FAM20B: variants seen among roughly 807,000 people sequenced by gnomAD.
FAM20B encodes glycosaminoglycan xylosylkinase.
A neutral mutation model predicts 43.8 loss-of-function variants in FAM20B; 23 were observed. The ratio of observed to expected loss-of-function variants is 0.53; its 90% CI spans 0.38 to 0.74. The LOEUF is 0.74. Ranked by LOEUF, FAM20B falls within the 30% of genes least tolerant of loss-of-function variation. FAM20B has a pLI of 0.00. For missense variants in FAM20B, 440 were observed against 510.5 expected, an observed-to-expected ratio of 0.86 and a Z score of 1.33; for synonymous variants, 178 against 192.4, an observed-to-expected ratio of 0.93 and a Z score of 0.62.
Position 179,050,313 on chromosome 1 carries a change from T to A in FAM20B, c.412T>A (p.Tyr138Asn). The change falls in exon 3 of 8, where the codon TAT (tyrosine) becomes AAT (asparagine). Residue 138 changes from tyrosine (Y) to asparagine (N), a missense_variant. Tyr to Asn is a moderately radical substitution (Grantham distance 143). Transcript: ENST00000263733. The part of the protein sequence containing the change: ...SRDHVVEGEP[Y>N]AGYDRHNAEV... ...AGACCATGTGGTGGAAGGGGAACCG[T>A]ATGCTGGTTATGATAGACACAATGC... 6.2e-7 allele frequency: 1 copy of A among 1,613,976 alleles called. No individual in the cohort carries two copies. Among genetic ancestry groups the A allele is most frequent in the East Asian group, 2.2e-5 (1 of 44,880 alleles).
chr1:179,020,356 T>A, the FAM20B span, among the ~76,000 whole-genome samples: 2 of 152,120 alleles, frequency 1.3e-5, no homozygotes, highest in Admixed American at 1.3e-4. Context: ...AGGAAAGATG[T>A]AGGGGGTCTG....
chr1:179,040,054 G>A (rs555051236), intron 1 of FAM20B, among the ~76,000 whole-genome samples: 2 of 152,298 alleles, frequency 1.3e-5, no homozygotes, highest in African/African-American at 4.8e-5. Flanking sequence ...TGGGGGCAAG[G>A]TCACAGATCA....
intron 4 of FAM20B, among the ~76,000 whole-genome samples, chr1:179,055,067 T>C (rs1420104858): frequency 6.6e-6 from 1 of 152,232 alleles, no homozygotes; most frequent in Non-Finnish European, 1.5e-5. Flanking sequence ...GGCAACTCTT[T>C]AGGAGGCTCA....
intron 3 of FAM20B, among the ~76,000 whole-genome samples, chr1:179,050,892 TG>T (rs1268415957): frequency 6.6e-6 from 1 of 152,086 alleles, no homozygotes; most frequent in African/African-American, 2.4e-5. Flanking sequence ...GAGGCCAAGG[TG>T]GGCAGATTGC....
At chr1:179,020,465 A>G in the FAM20B span, among the ~76,000 whole-genome samples, 1 of 152,208 alleles carries the variant, frequency 6.6e-6, no homozygotes, top group Non-Finnish European at 1.5e-5. Flanking sequence ...GCTTGGAGAG[A>G]TGGCTGGCTT....
intron 1 of FAM20B, among the ~76,000 whole-genome samples, chr1:179,031,914 T>A (rs987343595): frequency 6.6e-6 from 1 of 152,204 alleles, no homozygotes; most frequent in African/African-American, 2.4e-5. Flanking sequence ...TCTGTTTCAG[T>A]TACATTGAGT....
chr1:179,041,100 C>T (rs1441391244), intron 1 of FAM20B, among the ~76,000 whole-genome samples: 4 of 129,920 alleles, frequency 3.1e-5, no homozygotes, highest in Admixed American at 2.9e-4. Flanking sequence ...GATGGGATGG[C>T]GGCCGGGAAG....
In FAM20B at chr1:179,043,832, A is replaced by G. The variant is rs1469325524; in HGVS notation, c.-16A>G. On this transcript the variant is annotated 5_prime_UTR_variant, in exon 2 of 8. Coordinates refer to ENST00000263733, the MANE Select transcript of FAM20B (RefSeq NM_014864.4). ...ATGAGCAAGAGTGGGTCAGGGGAGA[A>G]GGAAAAGAGGTCAACATGAAGCTAA... 2 of 1,573,300 alleles carry G rather than the reference A, an allele frequency of 1.3e-6. No homozygotes were observed. The highest frequency in any genetic ancestry group is 1.7e-6 in the Non-Finnish European group (2 of 1,155,016).
At chr1:179,069,314 G>A (rs1651820138) in intron 7 of FAM20B, among the ~76,000 whole-genome samples, 1 of 152,182 alleles carries the variant, frequency 6.6e-6, no homozygotes, top group South Asian at 2.1e-4. Context: ...TGCTTTAGGG[G>A]AAAGATGCTT....
In FAM20B at chr1:179,030,893, ATG is replaced by A. The variant is rs1206684101; in HGVS notation, c.-134+4809_-134+4810del. 3.3e-5 allele frequency among the ~76,000 whole-genome samples: 5 copies of A among 150,758 alleles called. No homozygotes were observed. The South Asian group carries it at 6.3e-4, about 19-fold the overall frequency. On this transcript the variant is annotated intron_variant, in intron 1 of 7. Transcript: ENST00000263733. The stretch of plus-strand genomic sequence containing the variant: ...ACAGATGTGCCAAAAAAAAAAAAAA[ATG>A]TGTGTGTGTGTGTTTGTGTGTGTGT...
chr1:179,070,942 T>G (rs4297249), intron 7 of FAM20B, among the ~76,000 whole-genome samples: 108,040 of 151,908 alleles, frequency 0.71, 39,554 homozygotes, highest in African/African-American at 0.89. Flanking sequence ...ATGTATTTTG[T>G]AGGGGACAGA....
chr1:179,051,171 A>C (rs1650992273), intron 3 of FAM20B, among the ~76,000 whole-genome samples: 1 of 151,654 alleles, frequency 6.6e-6, no homozygotes, highest in Non-Finnish European at 1.5e-5. Context: ...TAAGTTTGTA[A>C]GTTAACTAGG....
intron 1 of FAM20B, among the ~76,000 whole-genome samples, chr1:179,038,008 A>G (rs1287933277): frequency 6.6e-6 from 1 of 152,270 alleles, no homozygotes; most frequent in Non-Finnish European, 1.5e-5. Flanking sequence ...AAAACAAAAC[A>G]AAAAACCACA....
intron 3 of FAM20B, among the ~76,000 whole-genome samples, chr1:179,052,810 C>T (rs372445954): frequency 8.5e-5 from 13 of 152,280 alleles, no homozygotes; most frequent in African/African-American, 2.9e-4. Context: ...TTTCCAAGAC[C>T]TTATCTGTTT....
Position 179,043,504 on chromosome 1 carries a change from A to G in FAM20B, c.-133-211A>G, listed in dbSNP as rs527978983. Among the ~76,000 whole-genome samples the G allele has an allele frequency of 6.6e-5, 10 of 152,286 alleles. No homozygotes were observed. The East Asian group carries it at 1.9e-3, about 29-fold the overall frequency. On this transcript the variant is annotated intron_variant, in intron 1 of 7. Transcript: ENST00000263733. ...GCCCTGGCCATGCCTCTCCCACTGC[A>G]GCTGGTGTCTTCGCAGCAGCTGCTC...
chr1:179,040,729 G>C (rs1205218525), intron 1 of FAM20B, among the ~76,000 whole-genome samples: 1 of 148,960 alleles, frequency 6.7e-6, no homozygotes, highest in Non-Finnish European at 1.5e-5. Context: ...CCTCCCTCCC[G>C]GACGGGGCGG....
intron 7 of FAM20B, among the ~76,000 whole-genome samples, chr1:179,067,380 G>A (rs1175213640): frequency 2.6e-5 from 4 of 152,208 alleles, no homozygotes; most frequent in Admixed American, 2.6e-4. Context: ...CAAGGTGGGT[G>A]GATCACCTGA....
intron 1 of FAM20B, among the ~76,000 whole-genome samples, 197 bp downstream of exon 1, chr1:179,026,295 G>A (rs2102475907): frequency 6.6e-6 from 1 of 151,544 alleles, no homozygotes; most frequent in African/African-American, 2.4e-5. Flanking sequence ...GGCGGGTCCC[G>A]GGCGAGGGCC....
At chr1:179,069,706 G>C (rs544909927) in intron 7 of FAM20B, among the ~76,000 whole-genome samples, 2 of 152,284 alleles carry the variant, frequency 1.3e-5, no homozygotes, top group East Asian at 3.9e-4. Context: ...ATTTGGAGCT[G>C]AGAGGAAGTA....
Sources: gnomAD v4.1 joint callset for allele counts (sites outside exome capture counted in the v4.1 genomes callset) on GRCh38, gnomAD v4.1.1 for gene constraint, MANE v1.5 for transcripts, NCBI Gene and HGNC (gene_info 2026-07-23, HGNC 2026-07-21) for gene names.